TEX9: variants seen among roughly 807,000 people sequenced by gnomAD.
TEX9 encodes testis-expressed protein 9.
A neutral mutation model predicts 59.6 loss-of-function variants in TEX9; 74 were observed. The ratio of observed to expected loss-of-function variants is 1.24; its 90% CI spans 1.03 to 1.51. The LOEUF (loss-of-function observed/expected upper bound fraction) is 1.51, where lower values mean the gene tolerates loss of function less well. Ranked by LOEUF, TEX9 falls within the 40% of genes most tolerant of loss-of-function variation. TEX9 has a pLI of 0.00. For synonymous variants in TEX9, 186 were observed against 152.2 expected (o/e 1.22, Z -1.64); for missense variants, 522 against 447.8 (o/e 1.17, Z -1.49).
At chr15:56,346,212 G>A (rs1453980393) in intron 1 of TEX9, among the ~76,000 whole-genome samples, 1 of 152,192 alleles carries the variant, frequency 6.6e-6, no homozygotes, top group Non-Finnish European at 1.5e-5. Context: ...GTGAATTTTT[G>A]AACTGAGATT....
intron 1 of TEX9, among the ~76,000 whole-genome samples, chr15:56,261,982 C>T (rs1417306003): frequency 6.6e-6 from 1 of 152,092 alleles, no homozygotes; most frequent in African/African-American, 2.4e-5. Flanking sequence ...TTCTGGGGTG[C>T]CAGTGAAAGG....
intron 1 of TEX9, among the ~76,000 whole-genome samples, chr15:56,292,163 C>T (rs1041307204): frequency 2.0e-5 from 3 of 152,232 alleles, no homozygotes; most frequent in Admixed American, 2.0e-4. Flanking sequence ...TAGTAGTATC[C>T]TCATGCAGCA....
At chr15:56,307,813 A>G (rs1239646988) in intron 1 of TEX9, among the ~76,000 whole-genome samples, 1 of 152,222 alleles carries the variant, frequency 6.6e-6, no homozygotes, top group Non-Finnish European at 1.5e-5. Flanking sequence ...CCTATTCTGG[A>G]CATTTCATAA....
intron 1 of TEX9, among the ~76,000 whole-genome samples, chr15:56,272,292 AC>A (rs1372421512): frequency 2.0e-5 from 3 of 152,094 alleles, no homozygotes; most frequent in Non-Finnish European, 4.4e-5. Flanking sequence ...CCTTGCTCCA[AC>A]CCCTGGCAAT....
chr15:56,403,425 G>A (rs1234538237), intron 9 of TEX9, among the ~76,000 whole-genome samples: 1 of 152,144 alleles, frequency 6.6e-6, no homozygotes, highest in Admixed American at 6.5e-5. Flanking sequence ...AACTTACAAG[G>A]GATGTGAAGG....
At chr15:56,362,492 G>C (rs925006179), upstream of TEX9, among the ~76,000 whole-genome samples, 3 of 152,176 alleles carry the variant, frequency 2.0e-5, no homozygotes. Flanking sequence ...TGCTAGCATA[G>C]TGTTCCTTTC....
the TEX9 span, among the ~76,000 whole-genome samples, chr15:56,455,519 C>T: frequency 6.6e-6 from 1 of 152,106 alleles, no homozygotes; most frequent in Admixed American, 6.6e-5. Flanking sequence ...TACAGACGTC[C>T]TGCTCAATTA....
chr15:56,377,420 C>A (rs1364279770), intron 3 of TEX9, among the ~76,000 whole-genome samples: 1 of 152,034 alleles, frequency 6.6e-6, no homozygotes, highest in Non-Finnish European at 1.5e-5. Context: ...GTGTCCTCTT[C>A]AATTTCTTGC....
intron 12 of TEX9, among the ~76,000 whole-genome samples, chr15:56,439,288 C>A (rs2050780112): frequency 6.6e-6 from 1 of 152,096 alleles, no homozygotes. Flanking sequence ...AAAGGGAGAG[C>A]CAAATTGTGT....
intron 1 of TEX9, among the ~76,000 whole-genome samples, chr15:56,290,211 T>C (rs1034742621): frequency 6.6e-6 from 1 of 152,060 alleles, no homozygotes; most frequent in African/African-American, 2.4e-5. Flanking sequence ...TGTGTGTCTG[T>C]TGGGGGGCAG....
chr15:56,275,858 A>T (rs1370034046), intron 1 of TEX9, among the ~76,000 whole-genome samples: 1 of 152,060 alleles, frequency 6.6e-6, no homozygotes, highest in Non-Finnish European at 1.5e-5. Flanking sequence ...TTCTGCTTGC[A>T]ATAAATTGCC....
At chr15:56,258,381 T>C (rs2044189354) in intron 1 of TEX9, among the ~76,000 whole-genome samples, 1 of 152,204 alleles carries the variant, frequency 6.6e-6, no homozygotes, top group Admixed American at 6.5e-5. Flanking sequence ...CTTTGGTCAG[T>C]ATGGCCATTT....
intron 12 of TEX9, among the ~76,000 whole-genome samples, chr15:56,434,810 C>T (rs2140331681): frequency 6.6e-6 from 1 of 152,152 alleles, no homozygotes; most frequent in South Asian, 2.1e-4. Flanking sequence ...CAACCTCCTC[C>T]TCAAAATCAA....
intron 10 of TEX9, among the ~76,000 whole-genome samples, chr15:56,419,200 C>T (rs767381166): frequency 2.0e-5 from 3 of 151,484 alleles, no homozygotes; most frequent in Non-Finnish European, 4.4e-5. Flanking sequence ...TTGTTTGTTG[C>T]TATAATGGAG....
At chr15:56,305,997 A>G (rs2045473554) in intron 1 of TEX9, among the ~76,000 whole-genome samples, 1 of 152,164 alleles carries the variant, frequency 6.6e-6, no homozygotes, top group Non-Finnish European at 1.5e-5. Flanking sequence ...AAAGAATACA[A>G]ATTGCAAACA....
At chr15:56,300,958 T>G (rs1345110311) in intron 1 of TEX9, among the ~76,000 whole-genome samples, 4 of 152,100 alleles carry the variant, frequency 2.6e-5, no homozygotes, top group African/African-American at 9.7e-5. Flanking sequence ...CTGAAGAATA[T>G]CAACGAGCAT....
intron 12 of TEX9, chr15:56,429,834 A>AT (rs1443117166): frequency 6.6e-6 from 1 of 152,200 alleles, no homozygotes; most frequent in Non-Finnish European, 1.5e-5. Context: ...GATAAAGGTC[A>AT]TTTTTGGATA....
chr15:56,405,201 G>C (rs1317073300), intron 9 of TEX9, among the ~76,000 whole-genome samples: 1 of 152,060 alleles, frequency 6.6e-6, no homozygotes, highest in Non-Finnish European at 1.5e-5. Flanking sequence ...CTACTTGGGA[G>C]GCTGAGGCAG....
intron 5 of TEX9, among the ~76,000 whole-genome samples, chr15:56,388,888 G>A (rs1408328388): frequency 6.6e-6 from 1 of 152,018 alleles, no homozygotes; most frequent in African/African-American, 2.4e-5. Flanking sequence ...AATAGTGACA[G>A]TGTAGAGATC....
Sources: allele counts gnomAD v4.1 joint callset (sites outside exome capture counted in the v4.1 genomes callset), GRCh38; gene constraint gnomAD v4.1.1; transcripts MANE v1.5; gene names NCBI Gene and HGNC (gene_info 2026-07-23, HGNC 2026-07-21).